The following FSHR variants were observed in gnomAD, a reference collection of about 807,000 sequenced individuals.
FSHR encodes follicle stimulating hormone receptor.
In FSHR, 46 loss-of-function variants were observed where a neutral mutation model predicts 52.1. The ratio of observed to expected loss-of-function variants is 0.88; its 90% CI spans 0.70 to 1.13. FSHR has a LOEUF of 1.13. Ranked by LOEUF, FSHR falls within the 50% of genes most tolerant of loss-of-function variation. FSHR has a pLI of 0.00. For missense variants in FSHR, 964 were observed against 834.6 expected (o/e 1.16, Z -1.91); for synonymous variants, 399 against 309.6 (o/e 1.29, Z -3.03).
intron 1 of FSHR, among the ~76,000 whole-genome samples, chr2:49,068,757 A>C (rs892865347): frequency 1.1e-4 from 16 of 152,062 alleles, no homozygotes; most frequent in Non-Finnish European, 2.2e-4. Context: ...CTGCCTGATC[A>C]ACCTGCCTGT....
At chr2:49,044,002 C>T (rs1668571026) in intron 2 of FSHR, among the ~76,000 whole-genome samples, 1 of 152,184 alleles carries the variant, frequency 6.6e-6, no homozygotes, top group Non-Finnish European at 1.5e-5. Flanking sequence ...AAGATCTGGA[C>T]AGCAACATTT....
At chr2:49,044,050 G>C (rs547705373) in intron 2 of FSHR, among the ~76,000 whole-genome samples, 1 of 152,280 alleles carries the variant, frequency 6.6e-6, no homozygotes, top group African/African-American at 2.4e-5. Context: ...TCTGTTTTAC[G>C]TGAATTCCAA....
At chr2:49,119,375 T>C (rs1016944488) in intron 1 of FSHR, among the ~76,000 whole-genome samples, 2 of 150,936 alleles carry the variant, frequency 1.3e-5, no homozygotes, top group African/African-American at 5.0e-5. Flanking sequence ...AGAAGGATCA[T>C]CTTTGTTTTT....
At chr2:49,118,670 A>C (rs941896359) in intron 1 of FSHR, among the ~76,000 whole-genome samples, 5 of 152,214 alleles carry the variant, frequency 3.3e-5, no homozygotes, top group Admixed American at 3.3e-4. Context: ...ATGTGATACT[A>C]GATTTGACTT....
At chr2:49,066,891 C>G (rs1669521803) in intron 2 of FSHR, among the ~76,000 whole-genome samples, 1 of 152,082 alleles carries the variant, frequency 6.6e-6, no homozygotes. Context: ...ATGTTAGCTC[C>G]AGGCAAGGGA....
At chr2:49,056,189 G>C (rs1386694591) in intron 2 of FSHR, among the ~76,000 whole-genome samples, 2 of 151,822 alleles carry the variant, frequency 1.3e-5, no homozygotes, top group Non-Finnish European at 2.9e-5. Flanking sequence ...AAAACATATA[G>C]ACTGGTGAAA....
intron 2 of FSHR, among the ~76,000 whole-genome samples, chr2:49,032,607 C>T (rs1668137809): frequency 6.6e-6 from 1 of 152,178 alleles, no homozygotes; most frequent in African/African-American, 2.4e-5. Context: ...AGTAAGTGAT[C>T]ACTGATGGGC....
intron 4 of FSHR, among the ~76,000 whole-genome samples, chr2:49,011,536 C>T (rs549481857): frequency 3.8e-4 from 58 of 152,176 alleles, no homozygotes; most frequent in African/African-American, 1.3e-3. Context: ...CTGTAGATGT[C>T]TATTAGGTCC....
intron 1 of FSHR, among the ~76,000 whole-genome samples, chr2:49,121,010 T>C (rs911731727): frequency 6.6e-6 from 1 of 152,240 alleles, no homozygotes; most frequent in African/African-American, 2.4e-5. Context: ...TGTAGAGACT[T>C]TCAGATAGCA....
chr2:49,085,230 A>G (rs550533408), intron 1 of FSHR, among the ~76,000 whole-genome samples: 3 of 152,254 alleles, frequency 2.0e-5, no homozygotes, highest in South Asian at 2.1e-4. Context: ...TATAAACAGA[A>G]CCAAAGACAA....
chr2:49,138,808 C>T (rs1672574642), intron 1 of FSHR, among the ~76,000 whole-genome samples: 1 of 152,124 alleles, frequency 6.6e-6, no homozygotes, highest in Non-Finnish European at 1.5e-5. Context: ...CATTCAAATG[C>T]ACACTTCAAA....
intron 2 of FSHR, among the ~76,000 whole-genome samples, chr2:49,049,326 A>T (rs1033745921): frequency 6.6e-6 from 1 of 152,166 alleles, no homozygotes; most frequent in African/African-American, 2.4e-5. Flanking sequence ...GTTGTAAAAG[A>T]TAGATAAGAT....
intron 1 of FSHR, among the ~76,000 whole-genome samples, chr2:49,112,485 A>T (rs1284109501): frequency 6.6e-6 from 1 of 152,212 alleles, no homozygotes; most frequent in Non-Finnish European, 1.5e-5. Flanking sequence ...TCTTAGGTAC[A>T]TTGGGGTTAT....
chr2:49,064,120 T>G (rs1297777097), intron 2 of FSHR, among the ~76,000 whole-genome samples: 1 of 151,686 alleles, frequency 6.6e-6, no homozygotes, highest in Admixed American at 6.6e-5. Flanking sequence ...ATATGGAAGA[T>G]GACATAATCA....
intron 2 of FSHR, among the ~76,000 whole-genome samples, chr2:49,051,876 G>A (rs1339121382): frequency 6.6e-6 from 1 of 152,058 alleles, no homozygotes; most frequent in Non-Finnish European, 1.5e-5. Context: ...TATAACATGA[G>A]GTAAGGGTTG....
rs1176197948 is a variant in FSHR at position 48,962,307 on chromosome 2, C to T, written c.*426G>A. The stretch of plus-strand genomic sequence containing the variant: ...CTTCTCTGGGAAATTCTCTGGGAGT[C>T]GGAATACCTAATCCTGGCTCTGCCT... On this transcript the variant is annotated 3_prime_UTR_variant, in exon 10 of 10. Coordinates refer to ENST00000406846, the MANE Select transcript of FSHR (RefSeq NM_000145.4). 1.4e-5 allele frequency: 3 copies of T among 209,594 alleles called. No homozygotes were observed. The highest frequency in any genetic ancestry group is 2.9e-5 in the Non-Finnish European group (3 of 102,874). 13.0% of individuals were successfully genotyped at this position (209,594 alleles called of 1,614,324 possible).
chr2:49,062,258 C>T (rs1558418717), intron 2 of FSHR, among the ~76,000 whole-genome samples: 1 of 151,950 alleles, frequency 6.6e-6, no homozygotes, highest in Non-Finnish European at 1.5e-5. Flanking sequence ...AGAAATAAAC[C>T]TACATATTTA....
intron 2 of FSHR, among the ~76,000 whole-genome samples, chr2:49,023,687 T>G (rs1667820655): frequency 6.6e-6 from 1 of 152,142 alleles, no homozygotes; most frequent in African/African-American, 2.4e-5. Flanking sequence ...GGTCCTTGAA[T>G]TGACAAAACA....
intron 8 of FSHR, among the ~76,000 whole-genome samples, chr2:48,973,317 A>C (rs1473720779): frequency 6.7e-6 from 1 of 149,230 alleles, no homozygotes; most frequent in East Asian, 1.9e-4. Flanking sequence ...CCCAATAAAC[A>C]CAGATGTGTG....
Sources: gnomAD v4.1 joint callset for allele counts (sites outside exome capture counted in the v4.1 genomes callset) on GRCh38, gnomAD v4.1.1 for gene constraint, MANE v1.5 for transcripts, NCBI Gene and HGNC (gene_info 2026-07-23, HGNC 2026-07-21) for gene names.